RBFOX2: variants seen among roughly 807,000 people sequenced by gnomAD.
RBFOX2 encodes RNA binding fox-1 homolog 2, also known as RNA binding protein fox-1 homolog 2.
Under a neutral mutation model 49.1 loss-of-function variants are expected in RBFOX2, and 10 were observed. The ratio of observed to expected loss-of-function variants is 0.20; its 90% confidence interval spans 0.13 to 0.35. The LOEUF (loss-of-function observed/expected upper bound fraction) is 0.35, where lower values mean the gene tolerates loss of function less well. Ranked by LOEUF, RBFOX2 falls within the 10% of genes least tolerant of loss-of-function variation. RBFOX2 has a pLI of 1.00. For synonymous variants in RBFOX2, 183 were observed against 187.4 expected (o/e 0.98, Z 0.19); for missense variants, 323 against 486.9 (o/e 0.66, Z 3.17).
At chr22:36,028,210 A>G (rs1334076452) in intron 1 of RBFOX2, 30 bp downstream of exon 1, 21 of 1,465,358 alleles carry the variant, frequency 1.4e-5, no homozygotes, top group Non-Finnish European at 1.9e-5. Context: ...CACCCCCGCA[A>G]TAACTGGGCG....
chr22:35,994,942 C>A (rs1412238026), intron 1 of RBFOX2: 1 of 152,088 alleles, frequency 6.6e-6, no homozygotes, highest in East Asian at 1.9e-4. Context: ...GAGTGTAGAG[C>A]CCAGGGAGGC....
chr22:35,885,715 C>T (rs1198457681), intron 1 of RBFOX2, among the ~76,000 whole-genome samples: 1 of 151,952 alleles, frequency 6.6e-6, no homozygotes, highest in Non-Finnish European at 1.5e-5. Flanking sequence ...TCTTACCTCC[C>T]TCTTGATTTA....
chr22:36,013,648 C>CAG (rs373268996), intron 1 of RBFOX2, among the ~76,000 whole-genome samples: 9,824 of 147,984 alleles, frequency 0.066, 1,001 homozygotes, highest in African/African-American at 0.22. Context: ...CACACACACA[C>CAG]AGAGAGAGAG....
intron 1 of RBFOX2, among the ~76,000 whole-genome samples, chr22:35,819,022 T>C (rs1011552438): frequency 2.6e-5 from 4 of 152,202 alleles, no homozygotes; most frequent in African/African-American, 9.6e-5. Context: ...TCTACAACCA[T>C]GGTTACATGG....
intron 1 of RBFOX2, among the ~76,000 whole-genome samples, chr22:35,901,521 A>C (rs1319645619): frequency 1.6e-4 from 24 of 152,100 alleles, no homozygotes; most frequent in African/African-American, 5.6e-4. Context: ...CGACAGAGAT[A>C]GGGTTTGGGA....
At chr22:35,949,253 G>A (rs1015478473) in intron 1 of RBFOX2, among the ~76,000 whole-genome samples, 4 of 152,106 alleles carry the variant, frequency 2.6e-5, no homozygotes, top group South Asian at 2.1e-4. Context: ...TATGTGGTAC[G>A]TAAAAATCAC....
intron 1 of RBFOX2, among the ~76,000 whole-genome samples, chr22:35,895,368 C>G (rs1264415449): frequency 2.6e-5 from 4 of 152,156 alleles, no homozygotes; most frequent in Admixed American, 2.6e-4. Flanking sequence ...AAGATCAAGG[C>G]AAGTGAGCCA....
intron 5 of RBFOX2, among the ~76,000 whole-genome samples, chr22:35,765,863 G>T (rs1171369640): frequency 2.6e-5 from 4 of 152,156 alleles, no homozygotes; most frequent in Admixed American, 1.3e-4. Context: ...TGCCACATGG[G>T]TTATGAAATA....
rs529403034 is a variant in RBFOX2, at chr22:35,778,704, T to C, written c.400-626A>G. 1.2e-4 allele frequency among the ~76,000 whole-genome samples: 18 copies of C among 152,180 alleles called. No individual in the cohort carries two copies. The East Asian group carries it at 3.5e-3, about 29-fold the overall frequency. ...CAGGCTGGAGTCCAGTGGCACGATC[T>C]TGGCTCTCTGTAACCTCTGCCTCCT... On this transcript the variant is annotated intron_variant, in intron 3 of 11. Coordinates refer to ENST00000405409, the Ensembl canonical transcript of RBFOX2.
chr22:35,981,369 G>T (rs1046615042), intron 1 of RBFOX2, among the ~76,000 whole-genome samples: 1 of 152,102 alleles, frequency 6.6e-6, no homozygotes, highest in Admixed American at 6.6e-5. Context: ...TCAGCCAGGC[G>T]TGGTGGCTCA....
At chr22:35,867,025 GAAAAT>G (rs2043769948) in intron 1 of RBFOX2, among the ~76,000 whole-genome samples, 1 of 152,030 alleles carries the variant, frequency 6.6e-6, no homozygotes, top group African/African-American at 2.4e-5. Flanking sequence ...TTTATTCTTA[GAAAAT>G]AAATATGAAA....
intron 1 of RBFOX2, among the ~76,000 whole-genome samples, chr22:35,847,786 C>T (rs2041408050): frequency 6.6e-6 from 1 of 151,766 alleles, no homozygotes; most frequent in African/African-American, 2.4e-5. Flanking sequence ...TGGAGTAAAG[C>T]CAGGAAAGTG....
At chr22:35,745,685 C>T (rs1269149876) in intron 11 of RBFOX2, among the ~76,000 whole-genome samples, 2 of 152,156 alleles carry the variant, frequency 1.3e-5, no homozygotes, top group South Asian at 2.1e-4. Flanking sequence ...TGCCACTACT[C>T]GGGGCATATT....
chr22:35,879,927 C>T (rs547112812), intron 1 of RBFOX2, among the ~76,000 whole-genome samples: 1 of 152,178 alleles, frequency 6.6e-6, no homozygotes, highest in Non-Finnish European at 1.5e-5. Flanking sequence ...AGGCCAAGGT[C>T]GGTGGATCAC....
intron 4 of RBFOX2, among the ~76,000 whole-genome samples, chr22:35,771,707 G>A (rs527778998): frequency 6.6e-6 from 1 of 152,108 alleles, no homozygotes; most frequent in Non-Finnish European, 1.5e-5. Flanking sequence ...ACCCAAACAT[G>A]CTTCCTTATC....
At chr22:35,832,755 C>A (rs889535705) in intron 1 of RBFOX2, among the ~76,000 whole-genome samples, 8 of 152,110 alleles carry the variant, frequency 5.3e-5, no homozygotes, top group African/African-American at 1.7e-4. Flanking sequence ...TCACTTGAAC[C>A]CAGGAGGCGC....
At chr22:35,878,046 A>T (rs1261833075) in intron 1 of RBFOX2, among the ~76,000 whole-genome samples, 4 of 114,382 alleles carry the variant, frequency 3.5e-5, no homozygotes, top group African/African-American at 2.0e-4. Flanking sequence ...TACTACACAC[A>T]CACACACACA....
chr22:35,929,610 A>T (rs528675816), intron 1 of RBFOX2, among the ~76,000 whole-genome samples: 1 of 152,146 alleles, frequency 6.6e-6, no homozygotes. Context: ...AAGACTACAT[A>T]TATCATATAA....
intron 1 of RBFOX2, among the ~76,000 whole-genome samples, chr22:35,887,017 TC>T (rs1317368412): frequency 6.6e-6 from 1 of 152,186 alleles, no homozygotes; most frequent in African/African-American, 2.4e-5. Context: ...GATTTTCTGC[TC>T]CTCCAAACGA....
Sources: gnomAD v4.1 joint callset for allele counts (sites outside exome capture counted in the v4.1 genomes callset) on GRCh38, gnomAD v4.1.1 for gene constraint, MANE v1.5 for transcripts, NCBI Gene and HGNC (gene_info 2026-07-23, HGNC 2026-07-21) for gene names.